ADGRB3: variants seen among roughly 807,000 people sequenced by gnomAD.
The protein encoded by ADGRB3 is brain-specific angiogenesis inhibitor 3.
Under a neutral mutation model 193.4 loss-of-function variants are expected in ADGRB3, and 37 were observed. The observed-to-expected ratio is 0.19, with a 90% CI of 0.15 to 0.25. The LOEUF is 0.25. ADGRB3 is among the 10% of genes least tolerant of loss of function. The pLI is 1.00. For missense variants in ADGRB3, 1,637 were observed against 1,852.9 expected (o/e 0.88, Z 2.14); for synonymous variants, 690 against 644.2 (o/e 1.07, Z -1.08).
chr6:68,772,882 CA>C (rs763967322), intron 3 of ADGRB3, among the ~76,000 whole-genome samples: 40 of 23,906 alleles, frequency 1.7e-3, no homozygotes, highest in East Asian at 7.2e-3. Context: ...AACAAACAAA[CA>C]AAAAAAAAAA....
intron 17 of ADGRB3, among the ~76,000 whole-genome samples, chr6:69,076,432 C>T (rs146455972): frequency 1.5e-4 from 23 of 152,100 alleles, no homozygotes; most frequent in African/African-American, 5.3e-4. Flanking sequence ...CTCACATGAC[C>T]TTGAATCTAT....
At chr6:69,121,742 G>A (rs979088946) in intron 17 of ADGRB3, among the ~76,000 whole-genome samples, 7 of 150,664 alleles carry the variant, frequency 4.6e-5, no homozygotes, top group Non-Finnish European at 1.0e-4. Context: ...CCAGATGATG[G>A]GCAGCCAGGC....
intron 3 of ADGRB3, among the ~76,000 whole-genome samples, chr6:68,806,132 G>T (rs1296446747): frequency 6.6e-6 from 1 of 152,066 alleles, no homozygotes; most frequent in African/African-American, 2.4e-5. Flanking sequence ...TGAAATTCAG[G>T]CAAGAAGGTA....
At chr6:68,812,476 T>G (rs1239275649) in intron 3 of ADGRB3, among the ~76,000 whole-genome samples, 2 of 152,152 alleles carry the variant, frequency 1.3e-5, no homozygotes, top group African/African-American at 4.8e-5. Context: ...TAATAATACT[T>G]TATAGATAAT....
chr6:69,106,179 A>AAAAAG lies in ADGRB3; in HGVS notation c.2480+30156_2480+30160dup, dbSNP rs1554143752. On this transcript the variant is annotated intron_variant, in intron 17 of 31. Coordinates refer to ENST00000370598, the MANE Select transcript of ADGRB3 (RefSeq NM_001704.3). Reference sequence around the variant, plus strand: ...GAGACTGCGTTAAAAAAAAAAAAAAAAAAAGAAAAGAAAAGAAAAAAGAAA... The same window carrying AAAAAG: ...GAGACTGCGTTAAAAAAAAAAAAAAAAAAAGAAAAGAAAAGAAAAGAAAAAAGAAA... 2.7e-3 allele frequency among the ~76,000 whole-genome samples: 385 copies of AAAAAG among 140,744 alleles called. 16 individuals carry two copies. Among genetic ancestry groups the AAAAAG allele is most frequent in the Middle Eastern group, 3.8e-3 (1 of 264 alleles). 92.3% of individuals were successfully genotyped at this position (140,744 alleles called of 152,430 possible).
chr6:69,114,352 ATTGT>A (rs1350799650), intron 17 of ADGRB3, among the ~76,000 whole-genome samples: 2 of 151,814 alleles, frequency 1.3e-5, no homozygotes, highest in African/African-American at 2.4e-5. Context: ...TTTTAATGGG[ATTGT>A]TTGTTTTTTT....
At chr6:68,717,079 A>G (rs576660447) in intron 3 of ADGRB3, among the ~76,000 whole-genome samples, 8 of 151,798 alleles carry the variant, frequency 5.3e-5, no homozygotes, top group Admixed American at 2.6e-4. Flanking sequence ...TTTTGTTGAA[A>G]TGGCCCTCTC....
chr6:69,084,226 G>A (rs1429828946), intron 17 of ADGRB3, among the ~76,000 whole-genome samples: 1 of 152,090 alleles, frequency 6.6e-6, no homozygotes, highest in African/African-American at 2.4e-5. Context: ...ATTATATAAT[G>A]CTTGAGAAGA....
intron 3 of ADGRB3, among the ~76,000 whole-genome samples, chr6:68,654,356 C>T (rs1768442351): frequency 6.6e-6 from 1 of 151,966 alleles, no homozygotes; most frequent in African/African-American, 2.4e-5. Flanking sequence ...CATTTAATTT[C>T]CTGGCTTTCT....
intron 20 of ADGRB3, among the ~76,000 whole-genome samples, chr6:69,306,353 CAA>C (rs1269204139): frequency 4.0e-5 from 6 of 151,560 alleles, no homozygotes; most frequent in Non-Finnish European, 5.9e-5. Flanking sequence ...GCCTTTAATT[CAA>C]AGTCTTCAAT....
chr6:68,730,487 A>G (rs149513993), intron 3 of ADGRB3, among the ~76,000 whole-genome samples: 7 of 151,830 alleles, frequency 4.6e-5, no homozygotes, highest in African/African-American at 1.7e-4. Flanking sequence ...GTGGAGCCAG[A>G]AGAAAGAATG....
intron 3 of ADGRB3, among the ~76,000 whole-genome samples, chr6:68,697,302 A>T (rs1213307466): frequency 6.6e-6 from 1 of 152,010 alleles, no homozygotes; most frequent in Non-Finnish European, 1.5e-5. Context: ...TGATATTTTT[A>T]AACTTAGAAA....
intron 1 of ADGRB3, among the ~76,000 whole-genome samples, chr6:68,636,958 C>CAAAA (rs34410124): frequency 5.0e-4 from 60 of 119,632 alleles, no homozygotes; most frequent in Non-Finnish European, 7.9e-4. Flanking sequence ...AGTGCAACAC[C>CAAAA]AAAAAAAAAA....
intron 3 of ADGRB3, among the ~76,000 whole-genome samples, chr6:68,889,824 C>A (rs1352981817): frequency 2.0e-5 from 3 of 151,948 alleles, no homozygotes; most frequent in African/African-American, 7.2e-5. Flanking sequence ...CTTAAACGAG[C>A]AATAGTGACC....
At chr6:69,002,795 C>T (rs1453953878) in intron 11 of ADGRB3, among the ~76,000 whole-genome samples, 1 of 152,088 alleles carries the variant, frequency 6.6e-6, no homozygotes, top group East Asian at 1.9e-4. Flanking sequence ...TCTGGGAAGG[C>T]TTTTCTGGGT....
At chr6:69,000,631 G>T (rs1769546911) in intron 11 of ADGRB3, among the ~76,000 whole-genome samples, 1 of 152,138 alleles carries the variant, frequency 6.6e-6, no homozygotes, top group South Asian at 2.1e-4. Flanking sequence ...GCAATAAAAA[G>T]ATCTGAAATG....
intron 17 of ADGRB3, among the ~76,000 whole-genome samples, chr6:69,191,574 AT>A (rs1387205301): frequency 1.3e-5 from 2 of 152,184 alleles, no homozygotes; most frequent in African/African-American, 4.8e-5. Flanking sequence ...TGAAATAATT[AT>A]TTTGTGCTTA....
intron 6 of ADGRB3, among the ~76,000 whole-genome samples, chr6:68,952,797 A>G (rs866646939): frequency 3.3e-5 from 5 of 152,152 alleles, no homozygotes; most frequent in African/African-American, 1.2e-4. Context: ...TTGTGAACAA[A>G]ACTGACCCCA....
intron 13 of ADGRB3, among the ~76,000 whole-genome samples, chr6:69,031,211 C>T (rs868497594): frequency 3.2e-4 from 49 of 150,880 alleles, no homozygotes; most frequent in Admixed American, 2.0e-4. Flanking sequence ...GAGGCCGAGG[C>T]GGGCGGATCA....
Sources: allele counts gnomAD v4.1 joint callset (sites outside exome capture counted in the v4.1 genomes callset), GRCh38; gene constraint gnomAD v4.1.1; transcripts MANE v1.5; gene names NCBI Gene and HGNC (gene_info 2026-07-23, HGNC 2026-07-21).